Variants in SLC1A7 observed in about 807,000 individuals in gnomAD.
The protein encoded by SLC1A7 is solute carrier family 1 member 7.
SLC1A7 carries 40 observed loss-of-function variants against 47.7 expected under a neutral mutation model. That is an observed-to-expected ratio of 0.84 (90% CI 0.65 to 1.09). SLC1A7 has a LOEUF of 1.09. SLC1A7 is among the 50% of genes least tolerant of loss of function. The pLI, the probability that SLC1A7 is intolerant of heterozygous loss-of-function variation, is 0.00. For missense variants in SLC1A7, 746 were observed against 769.5 expected (o/e 0.97, Z 0.36); for synonymous variants, 323 against 325.6 (o/e 0.99, Z 0.09).
intron 2 of SLC1A7, among the ~76,000 whole-genome samples, chr1:53,131,099 T>C (rs1451916428): frequency 6.6e-6 from 1 of 152,236 alleles, no homozygotes; most frequent in Non-Finnish European, 1.5e-5. Flanking sequence ...ATGAAATGTA[T>C]GAACACGTCC....
intron 1 of SLC1A7, among the ~76,000 whole-genome samples, chr1:53,140,458 G>A (rs567234817): frequency 6.2e-5 from 9 of 144,338 alleles, no homozygotes; most frequent in African/African-American, 1.8e-4. Flanking sequence ...CTAGGCTCAC[G>A]TTTTGGTTAA....
chr1:53,132,925 CT>C (rs1644955892), intron 2 of SLC1A7, among the ~76,000 whole-genome samples: 1 of 152,256 alleles, frequency 6.6e-6, no homozygotes, highest in Admixed American at 6.5e-5. Flanking sequence ...AAGTATGGAG[CT>C]CACAGGAGAG....
At chr1:53,090,856 T>G (rs747455116) in intron 7 of SLC1A7, 50 bp from the exon 8 acceptor site, 3 of 1,565,072 alleles carry the variant, frequency 1.9e-6, no homozygotes, top group Non-Finnish European at 2.6e-6. Flanking sequence ...CCAGGATGGC[T>G]GGGGCCTCTG....
intron 2 of SLC1A7, among the ~76,000 whole-genome samples, chr1:53,122,331 T>C (rs530689596): frequency 6.6e-6 from 1 of 152,282 alleles, no homozygotes; most frequent in Non-Finnish European, 1.5e-5. Context: ...GCCAAGTCCT[T>C]GGGCTCTGGC....
intron 5 of SLC1A7, among the ~76,000 whole-genome samples, chr1:53,097,728 C>G (rs1433220584): frequency 1.3e-5 from 2 of 151,374 alleles, no homozygotes; most frequent in Non-Finnish European, 2.9e-5. Context: ...CACCACCTGC[C>G]TTGGTACAGT....
intron 2 of SLC1A7, among the ~76,000 whole-genome samples, chr1:53,117,156 G>A (rs1170698853): frequency 6.6e-6 from 1 of 152,200 alleles, no homozygotes; most frequent in Non-Finnish European, 1.5e-5. Flanking sequence ...TGGAGATGGG[G>A]CAGACATGCG....
chr1:53,090,636 T>C lies in SLC1A7; in HGVS notation c.1202A>G (p.Asp401Gly). The C allele has an allele frequency of 6.2e-7, 1 of 1,602,170 alleles. No homozygotes were observed. Among genetic ancestry groups the C allele is most frequent in the Non-Finnish European group, 8.5e-7 (1 of 1,172,132 alleles). The change falls in exon 8 of 11, where the codon GAC (aspartate) becomes GGC (glycine). Residue 401 changes from aspartate to glycine, a missense_variant. By Grantham distance (94) the Asp-to-Gly change is moderately conservative. Transcript: ENST00000371494. The stretch of plus-strand genomic sequence containing the variant: ...CCTGATGGTGATGATCTGGCCAAAG[T>C]CCAGCTCGTAGTTGTTGACCTGGGC... ...FIAQVNNYEL[D>G]FGQIITISIT...
At chr1:53,133,408 C>T (rs1313256351) in intron 2 of SLC1A7, among the ~76,000 whole-genome samples, 2 of 152,172 alleles carry the variant, frequency 1.3e-5, no homozygotes, top group African/African-American at 4.8e-5. Context: ...ATACAAAGCG[C>T]CCTTGGCCTG....
chr1:53,116,572 G>T lies in SLC1A7; in HGVS notation c.216-1599C>A, dbSNP rs184257985. On this transcript the variant is annotated intron_variant, in intron 2 of 10. Transcript: ENST00000371494. ...ATAAATCCTGAAGGGCTCATAATGGGATTGTGCAGCCAGAGGAAATGGGGG... is the reference window on the plus strand; with the variant it reads ...ATAAATCCTGAAGGGCTCATAATGGTATTGTGCAGCCAGAGGAAATGGGGG... Among the ~76,000 whole-genome samples, 7 of 152,340 alleles carry T rather than the reference G, an allele frequency of 4.6e-5. No individual in the cohort carries two copies. In the East Asian group the frequency reaches 1.2e-3, roughly 25 times the overall value.
chr1:53,122,416 C>T (rs939788686), intron 2 of SLC1A7, among the ~76,000 whole-genome samples: 3 of 152,298 alleles, frequency 2.0e-5, no homozygotes, highest in Admixed American at 6.5e-5. Flanking sequence ...CCAGACAGGC[C>T]GCAGGAAGGA....
At position 53,087,760 on chromosome 1, in the gene SLC1A7, C is replaced by T; in HGVS notation, c.*249G>A. 1 of 345,322 alleles carries T rather than the reference C, an allele frequency of 2.9e-6. No homozygotes were observed. The highest frequency in any genetic ancestry group is 5.2e-6 in the Non-Finnish European group (1 of 191,320). The allele number at this position is 345,322 out of a possible 1,614,324, so 21.4% of individuals were successfully genotyped here. ...GCCTGCCGCCCTCACCGGGCTCACA[C>T]CGGGGAAACTGTCACAGCGGGGCCT... is the stretch of plus-strand genomic sequence containing the variant. On this transcript the variant is annotated 3_prime_UTR_variant, in exon 11 of 11. Transcript: ENST00000371494.
intron 5 of SLC1A7, among the ~76,000 whole-genome samples, chr1:53,095,384 A>G (rs914533198): frequency 6.6e-6 from 1 of 151,970 alleles, no homozygotes; most frequent in African/African-American, 2.4e-5. Context: ...AGGCATGAGC[A>G]TACACAGTAA....
At chr1:53,089,960 G>A in intron 8 of SLC1A7, 26 bp from the exon 9 acceptor site, 2 of 1,611,686 alleles carry the variant, frequency 1.2e-6, no homozygotes, top group Non-Finnish European at 8.5e-7. Flanking sequence ...AGGGGAAGAG[G>A]AGCAGCAGGA....
chr1:53,099,562 C>T lies in SLC1A7; in HGVS notation c.697+3784G>A, dbSNP rs142470505. 2.8e-3 allele frequency among the ~76,000 whole-genome samples: 422 copies of T among 150,412 alleles called. 1 individual carries two copies. Among genetic ancestry groups the T allele is most frequent in the African/African-American group, 9.5e-3 (387 of 40,790 alleles). ...CCACCACAATACCCTCACTTTGCCT[C>T]GGTACACTGACACATACCACCTCAG... On this transcript the variant is annotated intron_variant, in intron 5 of 10. Coordinates refer to ENST00000371494, the MANE Select transcript of SLC1A7 (RefSeq NM_006671.6).
intron 2 of SLC1A7, among the ~76,000 whole-genome samples, chr1:53,120,224 C>A (rs1317518180): frequency 2.6e-5 from 4 of 152,174 alleles, no homozygotes. Context: ...CTGGTTCTCG[C>A]ACCAACCCCT....
intron 1 of SLC1A7, among the ~76,000 whole-genome samples, chr1:53,138,461 T>C (rs1162208663): frequency 6.6e-6 from 1 of 152,112 alleles, no homozygotes; most frequent in Non-Finnish European, 1.5e-5. Context: ...ATATTTTCTT[T>C]TTCTATTTTC....
rs758509074 is a variant in SLC1A7 at position 53,090,852 on chromosome 1, T to A, written c.1032-46A>T. On this transcript the variant is annotated intron_variant, in intron 7 of 10. Coordinates refer to ENST00000371494, the MANE Select transcript of SLC1A7 (RefSeq NM_006671.6). ...GTCTGCCCAGCACCCTCCTCCAGGATGGCTGGGGCCTCTGTCGGGAAGCTC... is the reference window on the plus strand; with the variant it reads ...GTCTGCCCAGCACCCTCCTCCAGGAAGGCTGGGGCCTCTGTCGGGAAGCTC... 2.5e-6 allele frequency: 4 copies of A among 1,569,598 alleles called. No individual in the cohort carries two copies. The East Asian group carries it at 9.4e-5, about 37-fold the overall frequency.
At chr1:53,093,319 C>A (rs1572295641) in intron 6 of SLC1A7, 142 bp downstream of exon 6, 2 of 682,166 alleles carry the variant, frequency 2.9e-6, no homozygotes, top group East Asian at 5.5e-5. Flanking sequence ...CATGGAAACA[C>A]ATGTAGCTCC....
intron 7 of SLC1A7, among the ~76,000 whole-genome samples, chr1:53,092,324 G>A (rs1203769858): frequency 6.6e-6 from 1 of 152,244 alleles, no homozygotes; most frequent in East Asian, 1.9e-4. Context: ...GCCCCCATGC[G>A]GACTCAGTGA....
Sources: allele counts gnomAD v4.1 joint callset (sites outside exome capture counted in the v4.1 genomes callset), GRCh38; gene constraint gnomAD v4.1.1; transcripts MANE v1.5; gene names NCBI Gene and HGNC (gene_info 2026-07-23, HGNC 2026-07-21).